The following SORCS1 variants were observed in gnomAD, a reference collection of about 807,000 sequenced individuals.
SORCS1 encodes the protein sortilin related VPS10 domain containing receptor 1.
SORCS1 carries 60 observed loss-of-function variants against 146.1 expected under a neutral mutation model. The ratio of observed to expected loss-of-function variants is 0.41; its 90% confidence interval spans 0.33 to 0.51. The LOEUF is 0.51. Among genes scored for constraint, SORCS1 ranks in the 20% least tolerant of loss-of-function variants. The probability of loss-of-function intolerance (pLI) is 0.21; values close to 1 mark genes in which losing one functional copy is unlikely to be tolerated. For missense variants in SORCS1, 1,352 were observed against 1,487.6 expected, an observed-to-expected ratio of 0.91 and a Z score of 1.50; for synonymous variants, 637 against 584.0, an observed-to-expected ratio of 1.09 and a Z score of -1.31.
intron 24 of SORCS1, among the ~76,000 whole-genome samples, chr10:106,591,781 T>C (rs1845617554): frequency 6.6e-6 from 1 of 152,158 alleles, no homozygotes; most frequent in Admixed American, 6.5e-5. Context: ...AAGGGGAAGA[T>C]GTTGTCCAGG....
chr10:106,797,112 G>T (rs1005264480), intron 3 of SORCS1, among the ~76,000 whole-genome samples: 22 of 151,862 alleles, frequency 1.4e-4, no homozygotes, highest in Admixed American at 3.9e-4. Flanking sequence ...GTCTCAAAAA[G>T]ATAATAATAA....
At chr10:107,049,182 C>T (rs1204893769) in intron 1 of SORCS1, among the ~76,000 whole-genome samples, 3 of 146,972 alleles carry the variant, frequency 2.0e-5, no homozygotes, top group Admixed American at 7.0e-5. Context: ...AACCAAACAC[C>T]GCATGTTCTC....
chr10:106,698,744 C>T (rs1189478346), intron 9 of SORCS1, among the ~76,000 whole-genome samples: 1 of 152,168 alleles, frequency 6.6e-6, no homozygotes, highest in African/African-American at 2.4e-5. Flanking sequence ...AGGCCATTAG[C>T]CAAGGGAGCT....
At chr10:106,709,517 C>T (rs1392829569) in intron 6 of SORCS1, among the ~76,000 whole-genome samples, 176 bp from the exon 7 acceptor site, 13 of 144,576 alleles carry the variant, frequency 9.0e-5, no homozygotes, top group East Asian at 4.2e-4. Flanking sequence ...GGTGCGATCT[C>T]GGCTCACTGC....
At chr10:106,809,068 T>C (rs992353831) in intron 3 of SORCS1, among the ~76,000 whole-genome samples, 2 of 152,188 alleles carry the variant, frequency 1.3e-5, no homozygotes, top group Non-Finnish European at 2.9e-5. Flanking sequence ...AGCCAAGTCA[T>C]CAGACTCAGA....
intron 2 of SORCS1, among the ~76,000 whole-genome samples, chr10:106,881,076 CAAAAAA>C (rs59128024): frequency 2.4e-3 from 167 of 69,174 alleles, no homozygotes; most frequent in African/African-American, 8.9e-3. Context: ...GACTCTGTCT[CAAAAAA>C]AAAAAAAAAA....
At chr10:107,161,977 CT>C (rs1969744109) in intron 1 of SORCS1, among the ~76,000 whole-genome samples, 1 of 152,184 alleles carries the variant, frequency 6.6e-6, no homozygotes, top group Non-Finnish European at 1.5e-5. Flanking sequence ...GTGATCAAAA[CT>C]TTAACACTCA....
chr10:107,085,823 G>A (rs758710639), intron 1 of SORCS1, among the ~76,000 whole-genome samples: 8 of 152,148 alleles, frequency 5.3e-5, no homozygotes, highest in Non-Finnish European at 7.4e-5. Context: ...TAGACAATGA[G>A]CATTTTGTAT....
intron 1 of SORCS1, among the ~76,000 whole-genome samples, chr10:107,003,357 A>G (rs1387939123): frequency 6.6e-6 from 1 of 152,044 alleles, no homozygotes; most frequent in Non-Finnish European, 1.5e-5. Context: ...CAATATAAGA[A>G]TATTTTGTAT....
rs535253113 is a variant in SORCS1, at chr10:106,817,102, A to G, written c.726+12472T>C. Among the ~76,000 whole-genome samples the G allele has an allele frequency of 9.2e-5, 14 of 152,352 alleles. 1 individual carries two copies. The South Asian group carries it at 2.7e-3, about 29-fold the overall frequency. ...AGTGGTGGACACACACAAACACACC[A>G]CATCACAGAGATTCAAAAGAAAACA... On this transcript the variant is annotated intron_variant, in intron 3 of 25. Coordinates refer to ENST00000263054, the MANE Select transcript of SORCS1 (RefSeq NM_052918.5).
intron 18 of SORCS1, among the ~76,000 whole-genome samples, chr10:106,648,590 T>G (rs1032175321): frequency 3.9e-5 from 6 of 152,248 alleles, no homozygotes; most frequent in African/African-American, 1.4e-4. Flanking sequence ...TGTGTCTCTG[T>G]CTGGGTCATT....
chr10:106,768,615 G>A (rs1228570103), intron 4 of SORCS1, among the ~76,000 whole-genome samples: 5 of 152,070 alleles, frequency 3.3e-5, no homozygotes, highest in African/African-American at 4.8e-5. Flanking sequence ...CATATCTGTC[G>A]GTCCTGTTCC....
chr10:106,944,842 A>G (rs949508181), intron 2 of SORCS1, among the ~76,000 whole-genome samples: 2 of 128,028 alleles, frequency 1.6e-5, no homozygotes, highest in Non-Finnish European at 3.3e-5. Context: ...AAACAAAGAG[A>G]GCTATGGTAG....
intron 1 of SORCS1, among the ~76,000 whole-genome samples, chr10:106,993,572 A>T (rs888563517): frequency 6.6e-6 from 1 of 152,174 alleles, no homozygotes; most frequent in African/African-American, 2.4e-5. Context: ...AAAGCTAAAA[A>T]CTAGATAGTA....
intron 1 of SORCS1, among the ~76,000 whole-genome samples, chr10:107,124,922 C>T (rs1022648857): frequency 1.3e-5 from 2 of 151,256 alleles, no homozygotes; most frequent in African/African-American, 2.4e-5. Context: ...CCACTCTGCT[C>T]AGCTTTCTTT....
chr10:106,643,818 G>GTCC (rs1849230239), intron 18 of SORCS1, among the ~76,000 whole-genome samples: 1 of 152,224 alleles, frequency 6.6e-6, no homozygotes, highest in Non-Finnish European at 1.5e-5. Context: ...CCAGGCCTCT[G>GTCC]TCCCTGAAGT....
intron 1 of SORCS1, among the ~76,000 whole-genome samples, chr10:106,971,891 C>CA (rs1036555874): frequency 1.3e-5 from 2 of 152,104 alleles, no homozygotes; most frequent in African/African-American, 4.8e-5. Context: ...CTGAGACTCT[C>CA]AAAATCTCTT....
At chr10:107,099,087 T>TAG (rs1174578744) in intron 1 of SORCS1, among the ~76,000 whole-genome samples, 1 of 152,204 alleles carries the variant, frequency 6.6e-6, no homozygotes, top group Non-Finnish European at 1.5e-5. Context: ...AAGACATATA[T>TAG]AGTGTTAAAG....
At chr10:106,859,823 C>T (rs554453847) in intron 2 of SORCS1, among the ~76,000 whole-genome samples, 56 of 152,270 alleles carry the variant, frequency 3.7e-4, no homozygotes, top group African/African-American at 5.1e-4. Flanking sequence ...CATTTACATG[C>T]GTTTGATCTC....
Sources: allele counts gnomAD v4.1 joint callset (sites outside exome capture counted in the v4.1 genomes callset), GRCh38; gene constraint gnomAD v4.1.1; transcripts MANE v1.5; gene names NCBI Gene and HGNC (gene_info 2026-07-23, HGNC 2026-07-21).